TSEN2: variants seen among roughly 807,000 people sequenced by gnomAD.
TSEN2 encodes the protein tRNA splicing endonuclease subunit 2, also known as tRNA-splicing endonuclease subunit Sen2.
Under a neutral mutation model 59.2 loss-of-function variants are expected in TSEN2, and 54 were observed. The observed-to-expected ratio is 0.91, with a 90% CI of 0.73 to 1.14. The LOEUF is 1.14. TSEN2 is among the 50% of genes most tolerant of loss of function. The pLI, the probability that TSEN2 is intolerant of heterozygous loss-of-function variation, is 0.00. For missense variants in TSEN2, 636 were observed against 576.2 expected, an observed-to-expected ratio of 1.10 and a Z score of -1.06; for synonymous variants, 195 against 198.2, an observed-to-expected ratio of 0.98 and a Z score of 0.14.
downstream of TSEN2, among the ~76,000 whole-genome samples, chr3:12,535,536 G>A (rs538356668): frequency 4.3e-4 from 66 of 152,022 alleles, no homozygotes; most frequent in African/African-American, 1.3e-3. Context: ...TCTTTCTAAC[G>A]TTGTGTGTGT....
intron 3 of TSEN2, among the ~76,000 whole-genome samples, chr3:12,495,255 T>C (rs959822913): frequency 6.6e-6 from 1 of 152,138 alleles, no homozygotes; most frequent in Non-Finnish European, 1.5e-5. Flanking sequence ...GAGTAACTTT[T>C]GGTTTTTTTG....
chr3:12,515,310 C>T (rs540247460), intron 6 of TSEN2, among the ~76,000 whole-genome samples: 1 of 152,228 alleles, frequency 6.6e-6, no homozygotes, highest in South Asian at 2.1e-4. Flanking sequence ...TTTGTCAGTG[C>T]GTTGTTGCTG....
chr3:12,515,995 G>GT, intron 6 of TSEN2, among the ~76,000 whole-genome samples: 1 of 151,944 alleles, frequency 6.6e-6, no homozygotes, highest in Non-Finnish European at 1.5e-5. Context: ...AGTTATATAG[G>GT]TTTTTTAGGG....
upstream of TSEN2, among the ~76,000 whole-genome samples, chr3:12,480,607 T>C (rs550366895): frequency 1.4e-5 from 2 of 139,152 alleles, no homozygotes; most frequent in Admixed American, 7.7e-5. Context: ...CTCCGCTCAC[T>C]GTAACCTCTG....
chr3:12,531,959 G>T (rs2057487070), intron 11 of TSEN2, among the ~76,000 whole-genome samples: 1 of 152,198 alleles, frequency 6.6e-6, no homozygotes, highest in African/African-American at 2.4e-5. Context: ...CTTCTCACAG[G>T]TCTCATTCCC....
At chr3:12,519,354 A>T (rs1157277031) in intron 8 of TSEN2, among the ~76,000 whole-genome samples, 157 bp downstream of exon 8, 1 of 152,218 alleles carries the variant, frequency 6.6e-6, no homozygotes, top group African/African-American at 2.4e-5. Context: ...GGTTAAGGGT[A>T]AGTGCAAAAA....
chr3:12,503,243 C>T lies in TSEN2; in HGVS notation c.309-19C>T. ...TTTGAAATTCGAGTGCTGTTTCTAA[C>T]AGTATTTCTGTCTTGCAGGTATCAG... On this transcript the variant is annotated intron_variant, in intron 4 of 11. Transcript: ENST00000284995. 6.2e-7 allele frequency: 1 copy of T among 1,614,000 alleles called. No individual in the cohort carries two copies. Among genetic ancestry groups the T allele is most frequent in the South Asian group, 1.1e-5 (1 of 91,072 alleles).
In TSEN2 at chr3:12,503,281, T is replaced by C. The variant is rs1277048375; in HGVS notation, c.328T>C (p.Trp110Arg). 1.9e-6 allele frequency: 3 copies of C among 1,614,130 alleles called. No individual in the cohort carries two copies. The highest frequency in any genetic ancestry group is 2.2e-5 in the East Asian group (1 of 44,880). Reference sequence around the variant, plus strand: ...TTGCAGGTATCAGCATAGTGTTGAGTGGGCAGCAGAGCTGATGCGTAGACA... The same window carrying C: ...TTGCAGGTATCAGCATAGTGTTGAGCGGGCAGCAGAGCTGATGCGTAGACA... ...TSKRYQHSVE[W>R]AAELMRRQGQ... is the part of the protein sequence containing the mutation. The change falls in exon 5 of 12, where the codon TGG becomes CGG. Residue 110 changes from tryptophan (W) to arginine (R), a missense_variant. Transcript: ENST00000284995.
chr3:12,491,654 G>A lies in TSEN2; in HGVS notation c.190-482G>A, dbSNP rs114014124. 5.1e-3 allele frequency among the ~76,000 whole-genome samples: 779 copies of A among 152,276 alleles called. 4 individuals are homozygous for A. The highest frequency in any genetic ancestry group is 7.8e-3 in the Non-Finnish European group (531 of 68,028). ...CTTGAAGCGATTAGAAAGGTGTTAC[G>A]CTAAGAACATCCTTAGTCATCATTA... On this transcript the variant is annotated intron_variant, in intron 2 of 11. Coordinates refer to ENST00000284995, the MANE Select transcript of TSEN2 (RefSeq NM_025265.4).
Position 12,533,243 on chromosome 3 carries a change from T to A in TSEN2, c.*522T>A, listed in dbSNP as rs1466772773. On this transcript the variant is annotated 3_prime_UTR_variant, in exon 12 of 12. Transcript: ENST00000284995. ...CTTGTTATAAAAATGAGTGGTGAAA[T>A]AATGTTTGGAGACATAATGAAAGCG... 6.4e-6 allele frequency: 1 copy of A among 156,916 alleles called. No homozygotes were observed. The highest frequency in any genetic ancestry group is 2.4e-5 in the African/African-American group (1 of 41,478). 9.7% of individuals were successfully genotyped at this position (156,916 alleles called of 1,614,324 possible).
chr3:12,539,609 ATG>A (rs1470429545), exon 11 of TSEN2: 25 of 161,298 alleles, frequency 1.5e-4, no homozygotes, highest in Non-Finnish European at 2.7e-4. Flanking sequence ...TGTGAATAAA[ATG>A]TGCTACCACT....
intron 6 of TSEN2, among the ~76,000 whole-genome samples, chr3:12,508,869 A>C: frequency 6.6e-6 from 1 of 152,080 alleles, no homozygotes; most frequent in Admixed American, 6.5e-5. Flanking sequence ...TTTTATTCTT[A>C]TATTTTTTAG....
chr3:12,490,053 C>G, intron 2 of TSEN2, 64 bp downstream of exon 2: 1 of 1,477,610 alleles, frequency 6.8e-7, no homozygotes, highest in Non-Finnish European at 9.4e-7. Flanking sequence ...TCCTTTCCTT[C>G]TCCCCATCCC....
chr3:12,512,162 T>C (rs1364606855), intron 6 of TSEN2, among the ~76,000 whole-genome samples: 1 of 152,246 alleles, frequency 6.6e-6, no homozygotes, highest in African/African-American at 2.4e-5. Flanking sequence ...ATGTTCCTCA[T>C]TGTGTCGCAT....
At chr3:12,530,019 T>TC in intron 10 of TSEN2, 146 bp downstream of exon 10, 2 of 1,470,260 alleles carry the variant, frequency 1.4e-6, no homozygotes, top group Non-Finnish European at 1.8e-6. Flanking sequence ...TTGGGGTCAT[T>TC]CGTACCCTTC....
At chr3:12,508,247 G>A (rs1382927372) in intron 6 of TSEN2, among the ~76,000 whole-genome samples, 1 of 152,202 alleles carries the variant, frequency 6.6e-6, no homozygotes, top group South Asian at 2.1e-4. Flanking sequence ...GCTGCCTGCT[G>A]CCTCCTCTTG....
chr3:12,480,528 G>GGTTTTTTTTTTTTTTTTTTT (rs1553565213), upstream of TSEN2, among the ~76,000 whole-genome samples: 59 of 91,750 alleles, frequency 6.4e-4, 2 homozygotes, highest in South Asian at 2.7e-3. Context: ...TTGTTTCTTT[G>GGTTTTTTTTTTTTTTTTTTT]TTTTTTTTTT....
intron 10 of TSEN2, 132 bp from the exon 11 acceptor site, chr3:12,531,438 G>T (rs2057452421): frequency 1.5e-6 from 1 of 655,752 alleles, no homozygotes; most frequent in Non-Finnish European, 2.8e-6. Context: ...GGAGGAAACT[G>T]ATGTGCTCTG....
intron 4 of TSEN2, 103 bp from the exon 5 acceptor site, chr3:12,503,159 G>A: frequency 1.5e-6 from 2 of 1,291,836 alleles, no homozygotes; most frequent in East Asian, 2.3e-5. Context: ...TAATACTGCT[G>A]TAAACATTTT....
Sources: allele counts gnomAD v4.1 joint callset (sites outside exome capture counted in the v4.1 genomes callset), GRCh38; gene constraint gnomAD v4.1.1; transcripts MANE v1.5; gene names NCBI Gene and HGNC (gene_info 2026-07-23, HGNC 2026-07-21).